NAV1: variants seen among roughly 807,000 people sequenced by gnomAD.
The protein encoded by NAV1 is pore membrane and/or filament interacting like protein 3.
In NAV1, 18 loss-of-function variants were observed where a neutral mutation model predicts 175.2. That is an observed-to-expected ratio of 0.10 (90% CI 0.07 to 0.15). NAV1 has a LOEUF of 0.15. NAV1 is among the 10% of genes least tolerant of loss of function. The probability of loss-of-function intolerance (pLI) is 1.00; values close to 1 mark genes in which losing one functional copy is unlikely to be tolerated. For synonymous variants in NAV1, 897 were observed against 978.7 expected, an observed-to-expected ratio of 0.92 and a Z score of 1.56; for missense variants, 1,731 against 2,436.6, an observed-to-expected ratio of 0.71 and a Z score of 6.10.
At chr1:201,601,458 C>T (rs1447710163) in intron 2 of NAV1, among the ~76,000 whole-genome samples, 1 of 151,942 alleles carries the variant, frequency 6.6e-6, no homozygotes, top group African/African-American at 2.4e-5. Flanking sequence ...ACCCCAGCCT[C>T]GGTGAGGGAG....
exon 1 of NAV1, chr1:201,648,943 C>T (rs1438386268): frequency 6.2e-7 from 1 of 1,613,046 alleles, no homozygotes; most frequent in Admixed American, 1.7e-5. Context: ...AAGTCACTCA[C>T]CAACCTCTCT....
At chr1:201,695,773 G>T (rs1272795852) in intron 1 of NAV1, among the ~76,000 whole-genome samples, 2 of 152,104 alleles carry the variant, frequency 1.3e-5, no homozygotes, top group African/African-American at 4.8e-5. Context: ...TACCTTCCTG[G>T]TCTCACTTTG....
Position 201,680,743 on chromosome 1 carries a change from A to AAT in NAV1, c.757+31319_757+31320dup, listed in dbSNP as rs1381719711. Reference sequence around the variant, plus strand: ...ACTATGTTTTTTATTTTGTTGCTCAAATTAAATTTATTTTGTTGCACCCTT... The same window carrying AAT: ...ACTATGTTTTTTATTTTGTTGCTCAAATATTAAATTTATTTTGTTGCACCCTT... On this transcript the variant is annotated intron_variant, in intron 1 of 29. Coordinates refer to ENST00000367296, the Ensembl canonical transcript of NAV1. 2.0e-5 allele frequency among the ~76,000 whole-genome samples: 3 copies of AAT among 152,120 alleles called. No individual in the cohort carries two copies. In the East Asian group the frequency reaches 5.8e-4, roughly 29 times the overall value.
intron 3 of NAV1, among the ~76,000 whole-genome samples, chr1:201,753,730 A>C (rs886572352): frequency 6.6e-6 from 1 of 152,196 alleles, no homozygotes; most frequent in Non-Finnish European, 1.5e-5. Flanking sequence ...CCTTCTTGCA[A>C]TTTTTAAGCT....
chr1:201,542,464 C>A (rs978610505), intron 1 of NAV1, among the ~76,000 whole-genome samples: 14 of 152,284 alleles, frequency 9.2e-5, no homozygotes, highest in African/African-American at 3.1e-4. Context: ...CTTAAAAATA[C>A]CCCTCCAACT....
intron 14 of NAV1, 113 bp downstream of exon 18, chr1:201,793,988 C>T: frequency 1.2e-6 from 1 of 844,228 alleles, no homozygotes; most frequent in Non-Finnish European, 1.9e-6. Context: ...TTCTCCCCAC[C>T]TCACTGTCAC....
chr1:201,648,920 C>G (rs756934035), exon 1 of NAV1: 179 of 1,612,904 alleles, frequency 1.1e-4, no homozygotes, highest in Non-Finnish European at 1.9e-5. Context: ...CCGCCTCCAA[C>G]CTGCGCAAGC....
rs114014891 is a variant in NAV1 at position 201,661,522 on chromosome 1, G to A, written c.757+12097G>A. 8.2e-3 allele frequency among the ~76,000 whole-genome samples: 1,254 copies of A among 152,292 alleles called. 17 individuals carry two copies. The highest frequency in any genetic ancestry group is 0.029 in the African/African-American group (1,186 of 41,560). On this transcript the variant is annotated intron_variant, in intron 1 of 29. Coordinates refer to ENST00000367296, the Ensembl canonical transcript of NAV1. ...CTGGAAGAGTGGGGGCCTGAAATAA[G>A]CTGTTTGTCTGCCTCTTTTTGACTG...
At chr1:201,691,039 A>G (rs372590382) in intron 1 of NAV1, among the ~76,000 whole-genome samples, 6 of 152,322 alleles carry the variant, frequency 3.9e-5, no homozygotes, top group African/African-American at 1.4e-4. Context: ...GGGAGTTGTT[A>G]ATGTTAACGG....
chr1:201,824,107 A>G (rs1242202270), exon 30 of NAV1: 3 of 152,210 alleles, frequency 2.0e-5, no homozygotes, highest in East Asian at 1.9e-4. Context: ...CTAATCACAC[A>G]TTTAACACAG....
intron 1 of NAV1, among the ~76,000 whole-genome samples, chr1:201,665,468 C>T (rs1669784347): frequency 6.6e-6 from 1 of 152,098 alleles, no homozygotes; most frequent in Non-Finnish European, 1.5e-5. Context: ...TTTCTGTCCG[C>T]ACTAGCCACA....
intron 3 of NAV1, among the ~76,000 whole-genome samples, chr1:201,757,864 G>A (rs570929931): frequency 9.2e-5 from 14 of 152,348 alleles, no homozygotes; most frequent in African/African-American, 2.9e-4. Flanking sequence ...GCCTAGTTGC[G>A]GTGGAATGAG....
intron 1 of NAV1, among the ~76,000 whole-genome samples, chr1:201,574,180 C>T (rs773708084): frequency 3.3e-5 from 5 of 152,152 alleles, no homozygotes; most frequent in Non-Finnish European, 5.9e-5. Context: ...GAAGTGACCT[C>T]AGCCTCAGGA....
chr1:201,636,142 A>T (rs533891670), intron 2 of NAV1, among the ~76,000 whole-genome samples: 33 of 152,298 alleles, frequency 2.2e-4, no homozygotes, highest in Admixed American at 4.6e-4. Flanking sequence ...ATAACTCTGA[A>T]CTATTGTCTC....
intron 3 of NAV1, among the ~76,000 whole-genome samples, chr1:201,766,748 C>G (rs1416336193): frequency 6.6e-6 from 1 of 152,192 alleles, no homozygotes; most frequent in Non-Finnish European, 1.5e-5. Flanking sequence ...GCGGACATTT[C>G]ATTGACCAAA....
chr1:201,638,589 A>T (rs561387653), intron 2 of NAV1, among the ~76,000 whole-genome samples: 1 of 152,266 alleles, frequency 6.6e-6, no homozygotes, highest in African/African-American at 2.4e-5. Context: ...TCTTGGAATC[A>T]CATGCAGTTA....
intron 2 of NAV1, among the ~76,000 whole-genome samples, chr1:201,605,324 G>T (rs1667644842): frequency 1.3e-5 from 2 of 151,858 alleles, no homozygotes; most frequent in Admixed American, 6.6e-5. Context: ...CATTGTGTTA[G>T]AATCTCCATG....
At chr1:201,586,235 C>T (rs1207645459) in intron 1 of NAV1, among the ~76,000 whole-genome samples, 2 of 144,584 alleles carry the variant, frequency 1.4e-5, no homozygotes, top group Non-Finnish European at 3.0e-5. Context: ...TGATTTACTT[C>T]TCTGGGTTAC....
chr1:201,703,056 C>G (rs1317743228), intron 1 of NAV1, among the ~76,000 whole-genome samples: 2 of 152,166 alleles, frequency 1.3e-5, no homozygotes, highest in Non-Finnish European at 2.9e-5. Flanking sequence ...TCATCCACAC[C>G]TGGACTCAGC....
Sources: allele counts gnomAD v4.1 joint callset (sites outside exome capture counted in the v4.1 genomes callset), GRCh38; gene constraint gnomAD v4.1.1; transcripts MANE v1.5; gene names NCBI Gene and HGNC (gene_info 2026-07-23, HGNC 2026-07-21).